Variants in ESRRB observed in about 807,000 individuals in gnomAD.
ESRRB encodes the protein estrogen related receptor beta, also known as steroid hormone receptor ERR2.
In ESRRB, 16 loss-of-function variants were observed where a neutral mutation model predicts 46.0. The observed-to-expected ratio is 0.35, with a 90% CI of 0.24 to 0.53. The LOEUF is 0.53. ESRRB is among the 20% of genes least tolerant of loss of function. The pLI is 0.93. For synonymous variants in ESRRB, 246 were observed against 259.6 expected, an observed-to-expected ratio of 0.95 and a Z score of 0.50; for missense variants, 488 against 607.4, an observed-to-expected ratio of 0.80 and a Z score of 2.07.
intron 1 of ESRRB, among the ~76,000 whole-genome samples, chr14:76,361,693 T>C (rs988898436): frequency 3.9e-5 from 6 of 152,190 alleles, no homozygotes; most frequent in African/African-American, 1.2e-4. Context: ...TGAATCACAG[T>C]GAAGACTCAA....
chr14:76,438,428 G>A (rs977949581), intron 1 of ESRRB, among the ~76,000 whole-genome samples: 4 of 152,138 alleles, frequency 2.6e-5, no homozygotes, highest in South Asian at 2.1e-4. Flanking sequence ...TTGGGAGGCC[G>A]AGGCGGGTGG....
At chr14:76,445,360 A>T (rs1418329457) in intron 2 of ESRRB, among the ~76,000 whole-genome samples, 1 of 149,218 alleles carries the variant, frequency 6.7e-6, no homozygotes, top group East Asian at 2.0e-4. Context: ...AATCCCAGCT[A>T]CTCGAGAGGC....
intron 1 of ESRRB, among the ~76,000 whole-genome samples, chr14:76,321,809 C>T (rs1289585910): frequency 6.6e-6 from 1 of 151,892 alleles, no homozygotes; most frequent in South Asian, 2.1e-4. Flanking sequence ...ATGGCGTGAA[C>T]CTGGGAGGCG....
At chr14:76,479,162 TGAG>T (rs964504160) in intron 3 of ESRRB, among the ~76,000 whole-genome samples, 4 of 152,128 alleles carry the variant, frequency 2.6e-5, no homozygotes, top group East Asian at 1.9e-4. Context: ...AGACCACACT[TGAG>T]GAGGAAGACA....
intron 1 of ESRRB, among the ~76,000 whole-genome samples, chr14:76,360,203 C>T (rs1387110223): frequency 6.6e-6 from 1 of 152,112 alleles, no homozygotes; most frequent in Non-Finnish European, 1.5e-5. Flanking sequence ...TCACATTGCT[C>T]TGCTCTGAGT....
Position 76,500,120 on chromosome 14 carries a change from C to G in ESRRB, c.*1662C>G. 6.9e-7 allele frequency: 1 copy of G among 1,439,038 alleles called. No homozygotes were observed. Among genetic ancestry groups the G allele is most frequent in the Non-Finnish European group, 9.5e-7 (1 of 1,055,024 alleles). The allele number at this position is 1,439,038 out of a possible 1,614,324, so 89.1% of individuals were successfully genotyped here. A position where few individuals can be genotyped will look rare whatever the true frequency, so the allele number is the denominator to read the frequency against. On this transcript the variant is annotated 3_prime_UTR_variant, in exon 7 of 7. Coordinates refer to ENST00000644823, the MANE Select transcript of ESRRB (RefSeq NM_001379180.1). The stretch of plus-strand genomic sequence containing the variant: ...CCCTGGTCCCACCTCCTTGGCTCTA[C>G]CCCAGGAACCTCCCGGCCTGGGCTT...
intron 1 of ESRRB, among the ~76,000 whole-genome samples, chr14:76,323,330 G>A (rs1387160926): frequency 1.4e-5 from 2 of 145,326 alleles, no homozygotes; most frequent in African/African-American, 5.1e-5. Flanking sequence ...TTTCTTTTGA[G>A]AGAGGGTCTC....
At position 76,500,985 on chromosome 14, in the gene ESRRB, A is replaced by G; in HGVS notation, c.*2527A>G. On this transcript the variant is annotated 3_prime_UTR_variant, in exon 7 of 7. Transcript: ENST00000644823. ...CATTGGACACTCAGAAAAGAAGTTC[A>G]GGGGCCAACTTCTTAGCTGGAATCC... 2 of 548,432 alleles carry G rather than the reference A, an allele frequency of 3.6e-6. No homozygotes were observed. The highest frequency in any genetic ancestry group is 6.5e-6 in the Non-Finnish European group (2 of 305,918). The allele number at this position is 548,432 out of a possible 1,614,324, so 34.0% of individuals were successfully genotyped here.
At chr14:76,388,079 G>A (rs1003169459) in intron 1 of ESRRB, among the ~76,000 whole-genome samples, 2 of 152,088 alleles carry the variant, frequency 1.3e-5, no homozygotes, top group Non-Finnish European at 2.9e-5. Flanking sequence ...TGACAAAGCT[G>A]GGATTTGCAC....
chr14:76,350,442 AG>A (rs1884300481), intron 1 of ESRRB, among the ~76,000 whole-genome samples: 2 of 152,184 alleles, frequency 1.3e-5, no homozygotes, highest in African/African-American at 4.8e-5. Flanking sequence ...AGCAAGCTGA[AG>A]GGGTTTGAGA....
chr14:76,496,612 A>G (rs116500540), intron 6 of ESRRB, among the ~76,000 whole-genome samples: 29 of 152,280 alleles, frequency 1.9e-4, no homozygotes, highest in African/African-American at 6.7e-4. Context: ...TTGAGGGAGA[A>G]AGATCACCCA....
chr14:76,468,844 A>T (rs541155251), intron 3 of ESRRB, among the ~76,000 whole-genome samples: 12 of 152,198 alleles, frequency 7.9e-5, no homozygotes, highest in Admixed American at 3.3e-4. Context: ...TCCAGAGGCA[A>T]TTTTGAATCT....
chr14:76,430,532 CT>C (rs974332618), intron 1 of ESRRB, among the ~76,000 whole-genome samples: 2 of 152,202 alleles, frequency 1.3e-5, no homozygotes, highest in African/African-American at 4.8e-5. Context: ...CACTGCTGGA[CT>C]TTCTCAGAAG....
rs191606759 is a variant in ESRRB, at chr14:76,346,526, C to T, written c.2+35610C>T. Among the ~76,000 whole-genome samples the T allele has an allele frequency of 2.3e-3, 345 of 152,326 alleles. 3 individuals are homozygous for T. Among genetic ancestry groups the T allele is most frequent in the African/African-American group, 7.7e-3 (319 of 41,582 alleles). Reference sequence around the variant, plus strand: ...GCTTTTGTCTGCTGGAGGGACTCCCCTGGGGCTAGGCCTCAAGACACCATG... The same window carrying T: ...GCTTTTGTCTGCTGGAGGGACTCCCTTGGGGCTAGGCCTCAAGACACCATG... On this transcript the variant is annotated intron_variant, in intron 1 of 6. Coordinates refer to the ESRRB transcript ENST00000512784.
chr14:76,412,996 T>C (rs1886507201), intron 1 of ESRRB, among the ~76,000 whole-genome samples: 1 of 152,152 alleles, frequency 6.6e-6, no homozygotes, highest in South Asian at 2.1e-4. Context: ...CTTGTGCCTT[T>C]AGAAAAATAA....
intron 2 of ESRRB, 115 bp from the exon 3 acceptor site, chr14:76,462,430 C>G: frequency 1.3e-6 from 1 of 756,892 alleles, no homozygotes; most frequent in South Asian, 1.5e-5. Flanking sequence ...TTTGAGAACA[C>G]TAGGGGGGAG....
At chr14:76,356,854 T>C (rs1884384843) in intron 1 of ESRRB, among the ~76,000 whole-genome samples, 1 of 152,228 alleles carries the variant, frequency 6.6e-6, no homozygotes, top group Non-Finnish European at 1.5e-5. Flanking sequence ...TATTCTCTTG[T>C]CCAACTTTAT....
chr14:76,372,574 A>G (rs1286578069), upstream of ESRRB, among the ~76,000 whole-genome samples: 2 of 152,186 alleles, frequency 1.3e-5, no homozygotes, highest in African/African-American at 2.4e-5. Flanking sequence ...GCTCATGCCT[A>G]TAATTCCAGC....
chr14:76,340,619 T>C (rs1205180518), intron 1 of ESRRB, among the ~76,000 whole-genome samples: 1 of 152,202 alleles, frequency 6.6e-6, no homozygotes, highest in African/African-American at 2.4e-5. Flanking sequence ...TCCCCACCTT[T>C]CTTCCTTCCT....
Sources: gnomAD v4.1 joint callset for allele counts (sites outside exome capture counted in the v4.1 genomes callset) on GRCh38, gnomAD v4.1.1 for gene constraint, MANE v1.5 for transcripts, NCBI Gene and HGNC (gene_info 2026-07-23, HGNC 2026-07-21) for gene names.